Variants in CLNK observed in about 807,000 individuals in gnomAD.
The protein encoded by CLNK is cytokine dependent hematopoietic cell linker.
Under a neutral mutation model 68.6 loss-of-function variants are expected in CLNK, and 74 were observed. That is an observed-to-expected ratio of 1.08 (90% CI 0.89 to 1.31). The LOEUF (loss-of-function observed/expected upper bound fraction) is 1.31. CLNK is among the 50% of genes most tolerant of loss of function. CLNK has a pLI of 0.00. For synonymous variants in CLNK, 198 were observed against 172.2 expected, an observed-to-expected ratio of 1.15 and a Z score of -1.17; for missense variants, 553 against 515.3, an observed-to-expected ratio of 1.07 and a Z score of -0.71.
the CLNK span, among the ~76,000 whole-genome samples, chr4:10,728,240 T>C: frequency 1.1e-4 from 17 of 152,302 alleles, 1 homozygote; most frequent in South Asian, 1.5e-3. Flanking sequence ...ATGCAACTCC[T>C]TCACAAAACC....
At chr4:10,588,194 G>A (rs1302870668) in intron 3 of CLNK, among the ~76,000 whole-genome samples, 4 of 152,194 alleles carry the variant, frequency 2.6e-5, no homozygotes, top group South Asian at 2.1e-4. Context: ...AACGCAGGCG[G>A]CATGCAAATC....
At chr4:10,600,542 T>A (rs146891468) in intron 2 of CLNK, among the ~76,000 whole-genome samples, 79 of 152,328 alleles carry the variant, frequency 5.2e-4, no homozygotes, top group Non-Finnish European at 9.4e-4. Flanking sequence ...ATTATGCATG[T>A]ACATGTCCAT....
intron 2 of CLNK, among the ~76,000 whole-genome samples, chr4:10,618,808 T>C (rs1196728063): frequency 6.6e-6 from 1 of 152,178 alleles, no homozygotes; most frequent in Non-Finnish European, 1.5e-5. Context: ...CAGTCACGGT[T>C]ATGTTATGAG....
At chr4:10,546,961 G>T (rs1320538103) in intron 8 of CLNK, among the ~76,000 whole-genome samples, 2 of 152,114 alleles carry the variant, frequency 1.3e-5, no homozygotes, top group African/African-American at 4.8e-5. Context: ...GCTGGCTCAG[G>T]TGTCTTTTCT....
the CLNK span, among the ~76,000 whole-genome samples, chr4:10,700,026 G>GTGTGTGTGTGTGTA: frequency 1.5e-4 from 23 of 151,438 alleles, no homozygotes; most frequent in Non-Finnish European, 2.4e-4. Context: ...GTGTGTGTGT[G>GTGTGTGTGTGTGTA]TATATATATA....
the CLNK span, among the ~76,000 whole-genome samples, chr4:10,693,629 G>A: frequency 6.6e-6 from 1 of 152,194 alleles, no homozygotes; most frequent in East Asian, 1.9e-4. Flanking sequence ...CACTTCTGTT[G>A]TTGTAAACCA....
At chr4:10,626,459 G>A (rs1224904481) in intron 2 of CLNK, among the ~76,000 whole-genome samples, 1 of 152,046 alleles carries the variant, frequency 6.6e-6, no homozygotes, top group African/African-American at 2.4e-5. Flanking sequence ...GAGAAAGTCA[G>A]CTTCTCCCTC....
chr4:10,570,325 C>T (rs1462696641), intron 5 of CLNK, among the ~76,000 whole-genome samples: 1 of 152,068 alleles, frequency 6.6e-6, no homozygotes, highest in Non-Finnish European at 1.5e-5. Context: ...GAAGAACAAC[C>T]ATCACTCCAG....
At chr4:10,620,171 A>C (rs1722382355) in intron 2 of CLNK, among the ~76,000 whole-genome samples, 1 of 152,100 alleles carries the variant, frequency 6.6e-6, no homozygotes, top group East Asian at 1.9e-4. Flanking sequence ...CTAAGCACTC[A>C]CATCTCCTCG....
the CLNK span, among the ~76,000 whole-genome samples, chr4:10,712,129 A>G: frequency 6.6e-6 from 1 of 152,128 alleles, no homozygotes; most frequent in Non-Finnish European, 1.5e-5. Context: ...AATTTTTTTG[A>G]ATATATATTT....
At chr4:10,729,406 C>T in the CLNK span, among the ~76,000 whole-genome samples, 7 of 152,280 alleles carry the variant, frequency 4.6e-5, no homozygotes, top group Admixed American at 3.9e-4. Context: ...AGTAATCCCA[C>T]TACTGAGTAT....
At chr4:10,638,369 G>T (rs73810347) in intron 2 of CLNK, among the ~76,000 whole-genome samples, 143 of 152,328 alleles carry the variant, frequency 9.4e-4, no homozygotes, top group African/African-American at 3.3e-3. Flanking sequence ...AAAACAGCAT[G>T]CACATGAACA....
intron 3 of CLNK, 114 bp downstream of exon 3, chr4:10,597,864 G>T: frequency 1.4e-6 from 1 of 723,088 alleles, no homozygotes; most frequent in Non-Finnish European, 2.3e-6. Flanking sequence ...TGACCTCTAA[G>T]TCACTACAGG....
At chr4:10,620,600 A>G (rs912865400) in intron 2 of CLNK, among the ~76,000 whole-genome samples, 2 of 152,086 alleles carry the variant, frequency 1.3e-5, no homozygotes, top group Admixed American at 1.3e-4. Flanking sequence ...ACACTTCCAG[A>G]GGCAATTTGT....
intron 13 of CLNK, 88 bp from the exon 14 acceptor site, chr4:10,526,010 C>T: frequency 1.4e-6 from 1 of 726,416 alleles, no homozygotes; most frequent in Non-Finnish European, 2.3e-6. Context: ...ACTATAATTT[C>T]CTCCAAGTAA....
chr4:10,525,039 G>A (rs1441290783), intron 14 of CLNK, among the ~76,000 whole-genome samples: 1 of 152,292 alleles, frequency 6.6e-6, no homozygotes, highest in East Asian at 1.9e-4. Flanking sequence ...CTAATTTAGT[G>A]ACTTTGGTCA....
the CLNK span, among the ~76,000 whole-genome samples, chr4:10,692,919 T>A: frequency 1.3e-5 from 2 of 152,246 alleles, no homozygotes; most frequent in African/African-American, 4.8e-5. Flanking sequence ...TAAGCCAAAC[T>A]GGTCCATACT....
the CLNK span, among the ~76,000 whole-genome samples, chr4:10,728,755 A>C: frequency 6.6e-6 from 1 of 151,020 alleles, no homozygotes; most frequent in African/African-American, 2.4e-5. Context: ...CGCCTGGCTA[A>C]TTTTGTTTTT....
At chr4:10,680,836 A>G (rs1413214632) in intron 1 of CLNK, among the ~76,000 whole-genome samples, 1 of 152,102 alleles carries the variant, frequency 6.6e-6, no homozygotes, top group South Asian at 2.1e-4. Context: ...TCCATGTCTC[A>G]ACGACTGGAT....
Sources: allele counts gnomAD v4.1 joint callset (sites outside exome capture counted in the v4.1 genomes callset), GRCh38; gene constraint gnomAD v4.1.1; transcripts MANE v1.5; gene names NCBI Gene and HGNC (gene_info 2026-07-23, HGNC 2026-07-21).